The following DGKG variants were observed in gnomAD, a reference collection of about 807,000 sequenced individuals.
DGKG encodes diacylglycerol kinase gamma.
A neutral mutation model predicts 105.3 loss-of-function variants in DGKG; 78 were observed. The ratio of observed to expected loss-of-function variants is 0.74; its 90% CI spans 0.62 to 0.89. The LOEUF (loss-of-function observed/expected upper bound fraction) is 0.89. DGKG is among the 40% of genes least tolerant of loss of function. The pLI is 0.00. For missense variants in DGKG, 958 were observed against 1,020.1 expected, an observed-to-expected ratio of 0.94 and a Z score of 0.83; for synonymous variants, 346 against 367.1, an observed-to-expected ratio of 0.94 and a Z score of 0.66.
chr3:186,306,165 C>G lies in DGKG; in HGVS notation c.144+736G>C, dbSNP rs148070306. 5.8e-3 allele frequency among the ~76,000 whole-genome samples: 886 copies of G among 152,006 alleles called. 11 individuals carry two copies. The highest frequency in any genetic ancestry group is 0.02 in the African/African-American group (837 of 41,442). ...GGTTATAGACTGATGCAAGGCATTT[C>G]AAGAAAGTAGGAAAAAGAGAATTTG... On this transcript the variant is annotated intron_variant, in intron 3 of 24. Coordinates refer to ENST00000265022, the MANE Select transcript of DGKG (RefSeq NM_001346.3).
At chr3:186,205,325 G>C (rs922542452) in intron 21 of DGKG, among the ~76,000 whole-genome samples, 7 of 147,898 alleles carry the variant, frequency 4.7e-5, no homozygotes, top group Non-Finnish European at 8.9e-5. Context: ...GTGATCTCAA[G>C]AACATAAAGG....
At chr3:186,245,148 C>T (rs967161104) in intron 19 of DGKG, among the ~76,000 whole-genome samples, 9 of 152,134 alleles carry the variant, frequency 5.9e-5, no homozygotes. Context: ...TGTGTACAGG[C>T]CCCCTCCTTC....
intron 1 of DGKG, among the ~76,000 whole-genome samples, chr3:186,333,034 T>G (rs541315917): frequency 4.7e-4 from 71 of 152,328 alleles, no homozygotes; most frequent in Non-Finnish European, 7.8e-4. Flanking sequence ...AACCTTGGAC[T>G]TCTCACCCTC....
At chr3:186,166,748 T>C (rs1282556242) in intron 22 of DGKG, among the ~76,000 whole-genome samples, 1 of 149,806 alleles carries the variant, frequency 6.7e-6, no homozygotes, top group Non-Finnish European at 1.5e-5. Flanking sequence ...GGTTTGAGGG[T>C]TGATGTTGGG....
At chr3:186,200,235 G>A (rs1250102248) in intron 21 of DGKG, among the ~76,000 whole-genome samples, 2 of 152,182 alleles carry the variant, frequency 1.3e-5, no homozygotes, top group Non-Finnish European at 1.5e-5. Flanking sequence ...CCATGTGGAG[G>A]AGTGTGGAGG....
chr3:186,203,023 T>C lies in DGKG; in HGVS notation c.1917+8772A>G, dbSNP rs1375449057. Among the ~76,000 whole-genome samples the C allele has an allele frequency of 6.6e-6, 1 of 152,082 alleles. No individual in the cohort carries two copies. Among genetic ancestry groups the C allele is most frequent in the Admixed American group, 6.5e-5 (1 of 15,276 alleles). On this transcript the variant is annotated intron_variant, in intron 21 of 24. Transcript: ENST00000265022. The surrounding 1 kb of genome is among the most constrained non-coding windows in gnomAD (Gnocchi z 4.9). ...CATATGAATGAATAGAGGCTTGAAGTGAACTACAGGGTGCACATTAGTAAG... is the reference window on the plus strand; with the variant it reads ...CATATGAATGAATAGAGGCTTGAAGCGAACTACAGGGTGCACATTAGTAAG...
chr3:186,324,483 C>G (rs555807403), intron 1 of DGKG, among the ~76,000 whole-genome samples: 1 of 148,058 alleles, frequency 6.8e-6, no homozygotes, highest in African/African-American at 2.5e-5. Context: ...GTTGCAAATA[C>G]AACATGTAGC....
At chr3:186,194,684 G>C (rs906118259) in intron 21 of DGKG, among the ~76,000 whole-genome samples, 9 of 151,828 alleles carry the variant, frequency 5.9e-5, no homozygotes, top group African/African-American at 1.7e-4. Flanking sequence ...TGGAAGCCAG[G>C]ACTCGGTAGC....
At chr3:186,297,554 A>G (rs1723644329) in intron 4 of DGKG, 71 bp from the exon 5 acceptor site, 1 of 1,076,688 alleles carries the variant, frequency 9.3e-7, no homozygotes, top group Non-Finnish European at 1.4e-6. Context: ...GGTACAGGAC[A>G]TCCCCATGGG....
chr3:186,286,371 C>T (rs529685902), intron 6 of DGKG, among the ~76,000 whole-genome samples: 3 of 152,234 alleles, frequency 2.0e-5, no homozygotes, highest in Non-Finnish European at 1.5e-5. Flanking sequence ...ACGCTGACCT[C>T]TCTCTGGTCC....
chr3:186,336,023 C>A (rs1725816956), intron 1 of DGKG, among the ~76,000 whole-genome samples: 1 of 152,186 alleles, frequency 6.6e-6, no homozygotes, highest in Admixed American at 6.5e-5. Flanking sequence ...TCTCACCTGT[C>A]AATTCTTTTC....
intron 22 of DGKG, among the ~76,000 whole-genome samples, chr3:186,175,332 A>G (rs1009688463): frequency 6.6e-6 from 1 of 151,862 alleles, no homozygotes; most frequent in African/African-American, 2.4e-5. Flanking sequence ...CCTGCACACA[A>G]TGGCCATTGT....
intron 21 of DGKG, among the ~76,000 whole-genome samples, chr3:186,197,026 A>C (rs1383189769): frequency 6.6e-6 from 1 of 152,038 alleles, no homozygotes. Context: ...TGAGAAGAGG[A>C]AGTTGGGATG....
At position 186,203,287 on chromosome 3, in the gene DGKG, A is replaced by G. The variant is rs1384249389; in HGVS notation, c.1917+8508T>C. ...GATTTAATAAGCCAAAGAATCACAGAGGTCCTCAGGAGGCCTGATGATAAA... is the reference window on the plus strand; with the variant it reads ...GATTTAATAAGCCAAAGAATCACAGGGGTCCTCAGGAGGCCTGATGATAAA... On this transcript the variant is annotated intron_variant, in intron 21 of 24. Coordinates refer to ENST00000265022, the MANE Select transcript of DGKG (RefSeq NM_001346.3). The surrounding 1 kb of genome is among the most constrained non-coding windows in gnomAD (Gnocchi z 4.9). Among the ~76,000 whole-genome samples, 1 of 152,246 alleles carries G rather than the reference A, an allele frequency of 6.6e-6. No individual in the cohort carries two copies. Among genetic ancestry groups the G allele is most frequent in the Non-Finnish European group, 1.5e-5 (1 of 68,044 alleles).
At chr3:186,314,467 A>C (rs1724715207) in intron 2 of DGKG, among the ~76,000 whole-genome samples, 1 of 152,160 alleles carries the variant, frequency 6.6e-6, no homozygotes, top group African/African-American at 2.4e-5. Context: ...CCAACTTAAA[A>C]ATTCTGGCTG....
chr3:186,284,535 C>T lies in DGKG; in HGVS notation c.594+125G>A. ...AGAGGTCCTAGTCGGATTTCCTCAGCCTGCATCGAGACATTGCTATTACTA... is the reference window on the plus strand; with the variant it reads ...AGAGGTCCTAGTCGGATTTCCTCAGTCTGCATCGAGACATTGCTATTACTA... On this transcript the variant is annotated intron_variant, in intron 7 of 24. Coordinates refer to ENST00000265022, the MANE Select transcript of DGKG (RefSeq NM_001346.3). The surrounding 1 kb of genome is among the most constrained non-coding windows in gnomAD (Gnocchi z 4.0). The T allele has an allele frequency of 4.7e-6, 4 of 844,066 alleles. No individual in the cohort carries two copies. In the Admixed American group the frequency reaches 7.5e-5, roughly 16 times the overall value. The allele number at this position is 844,066 out of a possible 1,614,324, so 52.3% of individuals were successfully genotyped here.
In DGKG at chr3:186,210,520, G is replaced by A. The variant is rs184189796; in HGVS notation, c.1917+1275C>T. On this transcript the variant is annotated intron_variant, in intron 21 of 24. Transcript: ENST00000265022. This position sits in a 1 kb window ranked among gnomAD's most constrained non-coding sequence, Gnocchi z 5.2. ...TAGCCAGATCGGCGCCTCCCACCCT[G>A]GCGTTGGTAACCCAGCAACCGAAGA... The A allele has an allele frequency of 4.8e-4, 216 of 445,858 alleles. No homozygotes were observed. Among genetic ancestry groups the A allele is most frequent in the Admixed American group, 4.2e-3 (177 of 41,702 alleles). 27.6% of individuals were successfully genotyped at this position (445,858 alleles called of 1,614,324 possible). A position where few individuals can be genotyped will look rare whatever the true frequency, so the allele number is the denominator to read the frequency against.
rs115903944 is a variant in DGKG, at chr3:186,156,009, C to T, written c.2277+5594G>A. Among the ~76,000 whole-genome samples, 131 of 151,002 alleles carry T rather than the reference C, an allele frequency of 8.7e-4. 1 individual carries two copies. The highest frequency in any genetic ancestry group is 3.1e-3 in the African/African-American group (127 of 41,192). On this transcript the variant is annotated intron_variant, in intron 24 of 24. Transcript: ENST00000265022. ...TTGCATTGTTAGTATTTTTTTTTTC[C>T]GCTGGATTCTAATAGCTGGTTTCTT...
chr3:186,319,624 G>C (rs1282986171), intron 2 of DGKG, among the ~76,000 whole-genome samples: 1 of 152,216 alleles, frequency 6.6e-6, no homozygotes, highest in African/African-American at 2.4e-5. Context: ...GTGCCATGCA[G>C]GGTAAGTGAC....
Sources: allele counts gnomAD v4.1 joint callset (sites outside exome capture counted in the v4.1 genomes callset), GRCh38; gene constraint gnomAD v4.1.1; non-coding constraint Gnocchi (gnomAD v3.1); transcripts MANE v1.5; gene names NCBI Gene and HGNC (gene_info 2026-07-23, HGNC 2026-07-21).